The following ADGRD1 variants were observed in gnomAD, a reference collection of about 807,000 sequenced individuals.
The protein encoded by ADGRD1 is G-protein coupled receptor 133.
In ADGRD1, 77 loss-of-function variants were observed where a neutral mutation model predicts 113.4. The ratio of observed to expected loss-of-function variants is 0.68; its 90% CI spans 0.57 to 0.82. ADGRD1 has a LOEUF of 0.82. Among genes scored for constraint, ADGRD1 ranks in the 40% least tolerant of loss-of-function variants. The pLI, the probability that ADGRD1 is intolerant of heterozygous loss-of-function variation, is 0.00. For synonymous variants in ADGRD1, 474 were observed against 475.0 expected (o/e 1.00, Z 0.03); for missense variants, 1,036 against 1,139.1 (o/e 0.91, Z 1.30).
At chr12:131,001,686 A>C (rs1876405636) in intron 9 of ADGRD1, among the ~76,000 whole-genome samples, 1 of 152,112 alleles carries the variant, frequency 6.6e-6, no homozygotes, top group Non-Finnish European at 1.5e-5. Context: ...CTCCACCCAG[A>C]TACTCAGGGA....
Position 131,084,207 on chromosome 12 carries a change from G to A in ADGRD1, c.1548-333G>A, listed in dbSNP as rs1168801332. Among the ~76,000 whole-genome samples, 1 of 152,194 alleles carries A rather than the reference G, an allele frequency of 6.6e-6. No individual in the cohort carries two copies. The highest frequency in any genetic ancestry group is 6.5e-5 in the Admixed American group (1 of 15,284). On this transcript the variant is annotated intron_variant, in intron 14 of 24. Coordinates refer to ENST00000261654, the MANE Select transcript of ADGRD1 (RefSeq NM_198827.5). The surrounding 1 kb of genome is among the most constrained non-coding windows in gnomAD (Gnocchi z 4.5). ...CTGCCCGTTCTCTAGGCGCAGGGCT[G>A]TGGGCCATGTGCGTTTCATTTTGTG...
chr12:131,055,400 C>T (rs550623940), intron 13 of ADGRD1, among the ~76,000 whole-genome samples: 21 of 152,308 alleles, frequency 1.4e-4, no homozygotes, highest in Admixed American at 3.3e-4. Flanking sequence ...CTTCAGCGTT[C>T]GGGATGGGCT....
At chr12:131,122,947 A>T (rs755496953) in intron 20 of ADGRD1, among the ~76,000 whole-genome samples, 3 of 126,768 alleles carry the variant, frequency 2.4e-5, no homozygotes, top group Non-Finnish European at 3.2e-5. Context: ...TCAGGGCCCC[A>T]CCCCCTACCC....
chr12:131,006,198 C>G, intron 12 of ADGRD1, 151 bp downstream of exon 12: 1 of 706,268 alleles, frequency 1.4e-6, no homozygotes, highest in Non-Finnish European at 2.4e-6. Flanking sequence ...AAACGTGAAG[C>G]GTTTTGAAGG....
chr12:131,098,979 C>T (rs1950006567), intron 15 of ADGRD1, among the ~76,000 whole-genome samples: 1 of 152,210 alleles, frequency 6.6e-6, no homozygotes, highest in South Asian at 2.1e-4. Context: ...TAAAGGGAAA[C>T]CATGCTGTCC....
chr12:130,959,334 G>A (rs1256379760), intron 2 of ADGRD1, among the ~76,000 whole-genome samples: 1 of 152,204 alleles, frequency 6.6e-6, no homozygotes, highest in Non-Finnish European at 1.5e-5. Flanking sequence ...CACTTTGGGA[G>A]CCTGAGCCAG....
chr12:131,000,914 C>T (rs1465368125), intron 9 of ADGRD1, among the ~76,000 whole-genome samples: 1 of 152,114 alleles, frequency 6.6e-6, no homozygotes, highest in Admixed American at 6.5e-5. Flanking sequence ...TATAAGAGCT[C>T]ATTTTGAGTA....
In ADGRD1 at chr12:131,108,823, A is replaced by G; in HGVS notation, c.1987A>G (p.Lys663Glu). The G allele has an allele frequency of 1.2e-6, 2 of 1,613,872 alleles. No individual in the cohort carries two copies. Among genetic ancestry groups the G allele is most frequent in the African/African-American group, 1.3e-5 (1 of 74,944 alleles). Residue 663 changes from lysine (K) to glutamate (E), a missense_variant, in exon 18 of 25, where the codon AAG (lysine) becomes GAG (glutamate). Lys to Glu is a moderately conservative substitution (Grantham distance 56). Transcript: ENST00000261654. ...GCTGCACCTCTACAGCATGGTGATC[A>G]AGGTCTTTGGGTCGGAGGACAGCAA... ...EGLHLYSMVIKVFGSEDSKHR... is the reference protein window; with the variant it reads ...EGLHLYSMVIEVFGSEDSKHR...
At chr12:131,110,176 T>TAC (rs1566119007) in intron 18 of ADGRD1, among the ~76,000 whole-genome samples, 1 of 152,236 alleles carries the variant, frequency 6.6e-6, no homozygotes. Flanking sequence ...GGCTGGGTCA[T>TAC]TTAATCCTTT....
chr12:131,131,637 T>C (rs968963320), intron 20 of ADGRD1, 88 bp from the exon 21 acceptor site: 12 of 873,462 alleles, frequency 1.4e-5, no homozygotes, highest in Non-Finnish European at 2.0e-5. Flanking sequence ...AGGGGTAGCC[T>C]GTGGTGAGGG....
In ADGRD1 at chr12:131,080,079, G is replaced by C. The variant is rs549158296; in HGVS notation, c.1547+3205G>C. Among the ~76,000 whole-genome samples the C allele has an allele frequency of 1.3e-4, 20 of 152,128 alleles. 1 individual carries two copies. In the South Asian group the frequency reaches 4.2e-3, roughly 32 times the overall value. Reference sequence around the variant, plus strand: ...TGTAGGTTTAGGTTATTACTATGAAGCTTTATTATTTTCTAATATAAACAT... The same window carrying C: ...TGTAGGTTTAGGTTATTACTATGAACCTTTATTATTTTCTAATATAAACAT... On this transcript the variant is annotated intron_variant, in intron 14 of 24. Coordinates refer to ENST00000261654, the MANE Select transcript of ADGRD1 (RefSeq NM_198827.5).
chr12:131,005,148 G>A (rs1055128836), intron 11 of ADGRD1, among the ~76,000 whole-genome samples: 1 of 152,196 alleles, frequency 6.6e-6, no homozygotes, highest in Non-Finnish European at 1.5e-5. Flanking sequence ...TGGGAAAGGT[G>A]CCCCGACTGG....
At chr12:130,995,568 C>A (rs1017523155) in intron 8 of ADGRD1, among the ~76,000 whole-genome samples, 1 of 152,188 alleles carries the variant, frequency 6.6e-6, no homozygotes, top group Non-Finnish European at 1.5e-5. Context: ...GAGGTAGTGG[C>A]AGCCTGAATG....
intron 17 of ADGRD1, among the ~76,000 whole-genome samples, chr12:131,108,217 G>C (rs1267952646): frequency 6.6e-6 from 1 of 152,228 alleles, no homozygotes; most frequent in Non-Finnish European, 1.5e-5. Context: ...CAACTTGGAA[G>C]CTGCAGTCAA....
rs528392830 is a variant in ADGRD1, at chr12:130,966,719, C to A, written c.187+173C>A. On this transcript the variant is annotated intron_variant, in intron 3 of 24. Transcript: ENST00000261654. This position sits in a 1 kb window ranked among gnomAD's most constrained non-coding sequence, Gnocchi z 4.6. ...GGCCATCGGGGAGCAGATGTGGACA[C>A]AATCTGCTTTGAAGCCACGGTGATA... The A allele has an allele frequency of 5.5e-5, 33 of 599,668 alleles. No homozygotes were observed. In the Admixed American group the frequency reaches 6.3e-4, roughly 11 times the overall value. The allele number at this position is 599,668 out of a possible 1,614,324, so 37.1% of individuals were successfully genotyped here.
At chr12:130,976,650 G>A (rs1872347808) in intron 4 of ADGRD1, 1 of 152,134 alleles carries the variant, frequency 6.6e-6, no homozygotes, top group Non-Finnish European at 1.5e-5. Flanking sequence ...CAGGTGGGTG[G>A]ATCCAAATAC....
At chr12:131,032,057 C>T (rs1880826877) in intron 13 of ADGRD1, among the ~76,000 whole-genome samples, 1 of 152,190 alleles carries the variant, frequency 6.6e-6, no homozygotes, top group South Asian at 2.1e-4. Context: ...GAGGGGGTGA[C>T]ATTGCTTTCC....
At chr12:130,975,073 TTCTG>T (rs1872149603) in intron 4 of ADGRD1, among the ~76,000 whole-genome samples, 1 of 152,126 alleles carries the variant, frequency 6.6e-6, no homozygotes, top group Non-Finnish European at 1.5e-5. Context: ...ATACTCAGGA[TTCTG>T]TCTTTCAACT....
intron 13 of ADGRD1, among the ~76,000 whole-genome samples, chr12:131,042,512 C>T (rs942187807): frequency 6.6e-6 from 1 of 152,210 alleles, no homozygotes; most frequent in Non-Finnish European, 1.5e-5. Context: ...CAGCAGACAC[C>T]GCTCCTGACT....
Sources: allele counts gnomAD v4.1 joint callset (sites outside exome capture counted in the v4.1 genomes callset), GRCh38; gene constraint gnomAD v4.1.1; non-coding constraint Gnocchi (gnomAD v3.1); transcripts MANE v1.5; gene names NCBI Gene and HGNC (gene_info 2026-07-23, HGNC 2026-07-21).